Variants in RREB1 observed in about 807,000 individuals in gnomAD.
RREB1 encodes the protein ras-responsive element-binding protein 1.
RREB1 carries 27 observed loss-of-function variants against 117.8 expected under a neutral mutation model. The observed-to-expected ratio is 0.23, with a 90% confidence interval of 0.17 to 0.32. The LOEUF is 0.32. Among genes scored for constraint, RREB1 ranks in the 10% least tolerant of loss-of-function variants. The pLI, the probability that RREB1 is intolerant of heterozygous loss-of-function variation, is 1.00. For missense variants in RREB1, 2,577 were observed against 2,378.2 expected (o/e 1.08, Z -1.74); for synonymous variants, 1,298 against 1,026.7 (o/e 1.26, Z -5.05).
intron 8 of RREB1, among the ~76,000 whole-genome samples, chr6:7,222,321 A>G (rs1459320390): frequency 3.3e-5 from 5 of 152,100 alleles, no homozygotes; most frequent in Non-Finnish European, 7.4e-5. Context: ...TAACAAGGTC[A>G]TGTGGGGATT....
At chr6:7,126,959 C>T (rs1364142345) in intron 1 of RREB1, among the ~76,000 whole-genome samples, 2 of 152,150 alleles carry the variant, frequency 1.3e-5, no homozygotes, top group Non-Finnish European at 1.5e-5. Context: ...AAGTGATGCT[C>T]TCAAATGTGC....
At chr6:7,121,701 G>T (rs965192077) in intron 1 of RREB1, among the ~76,000 whole-genome samples, 1 of 151,972 alleles carries the variant, frequency 6.6e-6, no homozygotes, top group African/African-American at 2.4e-5. Context: ...AATACCTCTG[G>T]TGATGGCTGA....
At chr6:7,237,221 G>T (rs1032783431) in intron 10 of RREB1, among the ~76,000 whole-genome samples, 8 of 152,066 alleles carry the variant, frequency 5.3e-5, no homozygotes, top group Non-Finnish European at 7.4e-5. Flanking sequence ...GAGTAGCTGG[G>T]ATTACAGGTG....
rs376109392 is a variant in RREB1 at position 7,135,065 on chromosome 6, T to C, written c.-285+27005T>C. Among the ~76,000 whole-genome samples the C allele has an allele frequency of 1.9e-4, 29 of 152,332 alleles. 1 individual carries two copies. Among genetic ancestry groups the C allele is most frequent in the East Asian group, 1.7e-3 (9 of 5,192 alleles). On this transcript the variant is annotated intron_variant, in intron 1 of 12. Coordinates refer to ENST00000379938, the MANE Select transcript of RREB1 (RefSeq NM_001003699.4). ...ACTCTCCCTTGGCCCTTTTAATTAA[T>C]CTACTGTGATCTATTAGAGAGAGGA...
intron 9 of RREB1, among the ~76,000 whole-genome samples, chr6:7,228,477 C>CA (rs1481746431): frequency 1.4e-5 from 2 of 146,844 alleles, no homozygotes; most frequent in African/African-American, 5.1e-5. Flanking sequence ...AGTGTGTTAG[C>CA]AAGCAGGAGA....
At chr6:7,184,588 C>T (rs1764981611) in intron 4 of RREB1, 1 of 151,940 alleles carries the variant, frequency 6.6e-6, no homozygotes, top group African/African-American at 2.4e-5. Context: ...ACATCTGGGT[C>T]TGTAGACCTC....
intron 12 of RREB1, 112 bp from the exon 13 acceptor site, chr6:7,248,399 A>G: frequency 2.3e-6 from 2 of 865,724 alleles, no homozygotes; most frequent in Non-Finnish European, 3.6e-6. Flanking sequence ...AGTAGGACGG[A>G]GTCCTGGCCC....
intron 8 of RREB1, among the ~76,000 whole-genome samples, chr6:7,226,106 A>G (rs1306563152): frequency 6.6e-6 from 1 of 152,192 alleles, no homozygotes; most frequent in Non-Finnish European, 1.5e-5. Context: ...AGGGAGAGAG[A>G]AACCTCTGAC....
At chr6:7,215,877 G>C (rs1766870996) in intron 8 of RREB1, 1 of 152,236 alleles carries the variant, frequency 6.6e-6, no homozygotes, top group African/African-American at 2.4e-5. Flanking sequence ...ACAGCCCACA[G>C]AGAGGTTTCA....
At chr6:7,217,703 T>C (rs1289971657) in intron 8 of RREB1, 5 of 152,182 alleles carry the variant, frequency 3.3e-5, no homozygotes, top group Admixed American at 6.5e-5. Flanking sequence ...GTGTAACAAA[T>C]ACTAAATGAA....
chr6:7,183,604 C>T (rs1295238028), intron 4 of RREB1: 1 of 152,072 alleles, frequency 6.6e-6, no homozygotes, highest in Non-Finnish European at 1.5e-5. Context: ...CAGCACCTCC[C>T]ATGTTTGCAT....
chr6:7,244,798 AC>A (rs1226491076), intron 11 of RREB1, among the ~76,000 whole-genome samples: 1 of 152,174 alleles, frequency 6.6e-6, no homozygotes, highest in Non-Finnish European at 1.5e-5. Flanking sequence ...GCAGGTGTGA[AC>A]AGTAGGTACT....
chr6:7,132,391 C>G (rs1479212453), intron 1 of RREB1, among the ~76,000 whole-genome samples: 1 of 152,150 alleles, frequency 6.6e-6, no homozygotes, highest in Non-Finnish European at 1.5e-5. Flanking sequence ...GTCTGGTCTC[C>G]TGGGCCTCAA....
At chr6:7,113,176 C>T (rs1292086824) in intron 1 of RREB1, among the ~76,000 whole-genome samples, 2 of 152,156 alleles carry the variant, frequency 1.3e-5, no homozygotes, top group African/African-American at 4.8e-5. Context: ...TGCAGGGATT[C>T]ACCTGAGGGC....
chr6:7,126,150 C>T (rs561123965), intron 1 of RREB1, among the ~76,000 whole-genome samples: 11 of 151,972 alleles, frequency 7.2e-5, no homozygotes, highest in South Asian at 2.1e-4. Context: ...TACAGGTGCG[C>T]ACCACCACAC....
At chr6:7,181,567 G>C in intron 3 of RREB1, 1 of 540,818 alleles carries the variant, frequency 1.8e-6, no homozygotes, top group South Asian at 2.8e-5. Context: ...TGTTGGCTTG[G>C]CCTTTCCCAC....
chr6:7,116,180 T>C (rs1581401701), intron 1 of RREB1, among the ~76,000 whole-genome samples: 1 of 152,316 alleles, frequency 6.6e-6, no homozygotes, highest in East Asian at 1.9e-4. Context: ...ACTCCTTAAC[T>C]TGGCATACAA....
At chr6:7,215,530 G>C (rs1267023026) in intron 8 of RREB1, 1 of 152,152 alleles carries the variant, frequency 6.6e-6, no homozygotes, top group Non-Finnish European at 1.5e-5. Context: ...TGCAGAGACA[G>C]AGTCTCCCTT....
In RREB1 at chr6:7,250,572, T is replaced by C. The variant is rs1254473575; in HGVS notation, c.*1604T>C. ...AGCCTGCTGCTGGGGACCCCTGTGC[T>C]TGCTGCAGTGTATGGAGCCTCTTGC... On this transcript the variant is annotated 3_prime_UTR_variant, in exon 13 of 13. Transcript: ENST00000379938. 10 of 151,968 alleles carry C rather than the reference T, an allele frequency of 6.6e-5. No homozygotes were observed. The highest frequency in any genetic ancestry group is 1.5e-4 in the Non-Finnish European group (10 of 67,960). 9.4% of individuals were successfully genotyped at this position (151,968 alleles called of 1,614,324 possible). A position where few individuals can be genotyped will look rare whatever the true frequency, so the allele number is the denominator to read the frequency against.
Sources: allele counts gnomAD v4.1 joint callset (sites outside exome capture counted in the v4.1 genomes callset), GRCh38; gene constraint gnomAD v4.1.1; transcripts MANE v1.5; gene names NCBI Gene and HGNC (gene_info 2026-07-23, HGNC 2026-07-21).